The following CDH13 variants were observed in gnomAD, a reference collection of about 807,000 sequenced individuals.
The protein encoded by CDH13 is cadherin 13, also known as cadherin-13.
CDH13 carries 24 observed loss-of-function variants against 63.8 expected under a neutral mutation model. The ratio of observed to expected loss-of-function variants is 0.38; its 90% CI spans 0.27 to 0.53. The LOEUF is 0.53. Among genes scored for constraint, CDH13 ranks in the 20% least tolerant of loss-of-function variants. The pLI, the probability that CDH13 is intolerant of heterozygous loss-of-function variation, is 0.85. For missense variants in CDH13, 1,049 were observed against 903.1 expected (o/e 1.16, Z -2.07); for synonymous variants, 503 against 355.3 (o/e 1.42, Z -4.67).
At chr16:83,060,929 C>T (rs568848012) in intron 3 of CDH13, among the ~76,000 whole-genome samples, 342 of 152,284 alleles carry the variant, frequency 2.2e-3, no homozygotes, top group Middle Eastern at 3.4e-3. Context: ...CACCTGAAAG[C>T]ATGCCTCTGT....
rs79805777 is a variant in CDH13, at chr16:82,769,614, G to A, written c.46-88748G>A. Among the ~76,000 whole-genome samples the A allele has an allele frequency of 2.6e-5, 4 of 152,288 alleles. No individual in the cohort carries two copies. In the East Asian group the frequency reaches 7.7e-4, roughly 29 times the overall value. ...CATATAAGTGAATGAATATTACCAG[G>A]ATGAATGCTACTTTTCTTATGATAG... On this transcript the variant is annotated intron_variant, in intron 1 of 13. Coordinates refer to ENST00000567109, the MANE Select transcript of CDH13 (RefSeq NM_001257.5).
intron 1 of CDH13, among the ~76,000 whole-genome samples, chr16:82,672,485 T>A (rs1319428808): frequency 1.3e-5 from 2 of 152,146 alleles, no homozygotes; most frequent in African/African-American, 2.4e-5. Context: ...TTTCTATCAT[T>A]GATATTAATA....
chr16:82,931,751 A>T (rs545668278), intron 2 of CDH13, among the ~76,000 whole-genome samples: 1 of 152,206 alleles, frequency 6.6e-6, no homozygotes, highest in Non-Finnish European at 1.5e-5. Flanking sequence ...GGAACCCCTT[A>T]TAGAAACATC....
At chr16:83,707,639 C>T (rs424280) in intron 10 of CDH13, among the ~76,000 whole-genome samples, 21,491 of 151,864 alleles carry the variant, frequency 0.14, 1,702 homozygotes, top group Admixed American at 0.21. Context: ...TCCTATAAGA[C>T]AGAGATCAGC....
At chr16:82,958,612 C>T (rs1326992345) in intron 2 of CDH13, among the ~76,000 whole-genome samples, 1 of 152,156 alleles carries the variant, frequency 6.6e-6, no homozygotes, top group Non-Finnish European at 1.5e-5. Flanking sequence ...AGGGATTCAC[C>T]ATGGAGATAT....
At chr16:82,630,180 C>G (rs1208095185) in intron 1 of CDH13, among the ~76,000 whole-genome samples, 5 of 152,134 alleles carry the variant, frequency 3.3e-5, no homozygotes, top group African/African-American at 7.2e-5. Flanking sequence ...ATTTGCAGAA[C>G]TTTTTGGATG....
At chr16:82,787,459 T>G (rs1352018563) in intron 1 of CDH13, among the ~76,000 whole-genome samples, 1 of 152,208 alleles carries the variant, frequency 6.6e-6, no homozygotes, top group Non-Finnish European at 1.5e-5. Context: ...TGATACCAGA[T>G]AGTAGAGAAA....
chr16:83,623,522 C>T (rs1471530640), intron 8 of CDH13, among the ~76,000 whole-genome samples: 2 of 152,154 alleles, frequency 1.3e-5, no homozygotes, highest in Non-Finnish European at 2.9e-5. Context: ...AGAGGGAGCA[C>T]AAAGAATGTC....
At chr16:83,144,931 C>G (rs2036683654) in intron 4 of CDH13, among the ~76,000 whole-genome samples, 2 of 152,184 alleles carry the variant, frequency 1.3e-5, no homozygotes, top group Admixed American at 6.5e-5. Context: ...ACTGAGGAGC[C>G]CTCTGGAGAA....
At chr16:83,290,880 T>C (rs2089450071) in intron 5 of CDH13, among the ~76,000 whole-genome samples, 1 of 152,156 alleles carries the variant, frequency 6.6e-6, no homozygotes, top group Non-Finnish European at 1.5e-5. Flanking sequence ...CTGCCTAGAA[T>C]GTTTTTTTCC....
rs530683900 is a variant in CDH13 at position 82,668,952 on chromosome 16, T to A, written c.45+41815T>A. Among the ~76,000 whole-genome samples the A allele has an allele frequency of 1.3e-4, 20 of 152,296 alleles. No homozygotes were observed. The East Asian group carries it at 3.9e-3, about 29-fold the overall frequency. On this transcript the variant is annotated intron_variant, in intron 1 of 13. Coordinates refer to ENST00000567109, the MANE Select transcript of CDH13 (RefSeq NM_001257.5). ...GTGAAGATGACAACAGGGCTGGCTG[T>A]TATTCTAGGGGGCTGCCCCGGTGTA...
chr16:82,804,655 A>G (rs1221698451), intron 1 of CDH13, among the ~76,000 whole-genome samples: 1 of 152,162 alleles, frequency 6.6e-6, no homozygotes, highest in African/African-American at 2.4e-5. Context: ...TGTATGTATG[A>G]AACACCACAG....
intron 1 of CDH13, among the ~76,000 whole-genome samples, chr16:82,740,754 C>G (rs1020823444): frequency 7.9e-5 from 12 of 152,192 alleles, no homozygotes; most frequent in African/African-American, 2.7e-4. Flanking sequence ...TAGGTAGGAA[C>G]TGGTGCTCAG....
chr16:83,358,613 A>G (rs544735997), intron 6 of CDH13, among the ~76,000 whole-genome samples: 23 of 152,346 alleles, frequency 1.5e-4, no homozygotes, highest in Middle Eastern at 3.4e-3. Flanking sequence ...AGTAAAAATT[A>G]GAGCCCAGAC....
At chr16:82,652,233 C>G (rs1400305069) in intron 1 of CDH13, among the ~76,000 whole-genome samples, 2 of 152,146 alleles carry the variant, frequency 1.3e-5, no homozygotes, top group Non-Finnish European at 2.9e-5. Flanking sequence ...GGTTTGTCAT[C>G]CTAGCCTGTC....
At chr16:83,736,779 A>G (rs900028177) in intron 10 of CDH13, among the ~76,000 whole-genome samples, 18 of 152,180 alleles carry the variant, frequency 1.2e-4, no homozygotes, top group African/African-American at 4.3e-4. Flanking sequence ...TGCAGGCACA[A>G]AAAGGTCCTA....
At chr16:83,563,988 C>G (rs2075750014) in intron 7 of CDH13, among the ~76,000 whole-genome samples, 2 of 152,134 alleles carry the variant, frequency 1.3e-5, no homozygotes, top group South Asian at 4.1e-4. Flanking sequence ...CTGGGATAAA[C>G]AACCTTAACC....
At chr16:83,171,456 A>T (rs1597460206) in intron 4 of CDH13, 1 of 1,323,660 alleles carries the variant, frequency 7.6e-7, no homozygotes, top group East Asian at 2.5e-5. Context: ...CCATATCAAA[A>T]GCTTTTCTAA....
At chr16:82,873,083 T>G (rs1203890347) in intron 2 of CDH13, among the ~76,000 whole-genome samples, 1 of 151,996 alleles carries the variant, frequency 6.6e-6, no homozygotes, top group African/African-American at 2.4e-5. Context: ...GAATGGGTGG[T>G]CAAAGAAGAT....
Sources: allele counts gnomAD v4.1 joint callset (sites outside exome capture counted in the v4.1 genomes callset), GRCh38; gene constraint gnomAD v4.1.1; transcripts MANE v1.5; gene names NCBI Gene and HGNC (gene_info 2026-07-23, HGNC 2026-07-21).